Variants in HDAC4 observed in about 807,000 individuals in gnomAD.
HDAC4 encodes histone deacetylase A.
A neutral mutation model predicts 135.1 loss-of-function variants in HDAC4; 16 were observed. The ratio of observed to expected loss-of-function variants is 0.12; its 90% CI spans 0.08 to 0.18. The LOEUF is 0.18. Among genes scored for constraint, HDAC4 ranks in the 10% least tolerant of loss-of-function variants. The pLI is 1.00. For synonymous variants in HDAC4, 685 were observed against 653.4 expected (o/e 1.05, Z -0.74); for missense variants, 1,143 against 1,511.8 (o/e 0.76, Z 4.05).
chr2:239,191,069 C>T, intron 3 of HDAC4: 1 of 448,878 alleles, frequency 2.2e-6, no homozygotes, highest in Non-Finnish European at 4.6e-6. Flanking sequence ...ACTGAGAGTC[C>T]AAGTGAGAGC....
At chr2:239,213,575 C>G (rs182165761) in intron 3 of HDAC4, among the ~76,000 whole-genome samples, 9 of 152,334 alleles carry the variant, frequency 5.9e-5, no homozygotes, top group Admixed American at 5.9e-4. Flanking sequence ...ATAGTCACAC[C>G]AGCTTGTGTT....
At position 239,068,847 on chromosome 2, in the gene HDAC4, G is replaced by A. The variant is rs746452026; in HGVS notation, c.2751-240C>T. 25 of 505,168 alleles carry A rather than the reference G, an allele frequency of 4.9e-5. No homozygotes were observed. The highest frequency in any genetic ancestry group is 1.6e-4 in the Admixed American group (6 of 37,066). 31.3% of individuals were successfully genotyped at this position (505,168 alleles called of 1,614,324 possible). A position where few individuals can be genotyped will look rare whatever the true frequency, so the allele number is the denominator to read the frequency against. Reference sequence around the variant, plus strand: ...CACAGTGCAAGCCAGCAAGCCCCACGACACTTGCTTGGTGAGAGGGAGTCA... The same window carrying A: ...CACAGTGCAAGCCAGCAAGCCCCACAACACTTGCTTGGTGAGAGGGAGTCA... On this transcript the variant is annotated intron_variant, in intron 22 of 26. Coordinates refer to ENST00000543185, the MANE Select transcript of HDAC4 (RefSeq NM_001378414.1). The surrounding 1 kb of genome is among the most constrained non-coding windows in gnomAD (Gnocchi z 4.4).
intron 3 of HDAC4, among the ~76,000 whole-genome samples, chr2:239,203,965 C>G (rs1184383166): frequency 6.6e-6 from 1 of 152,204 alleles, no homozygotes; most frequent in Non-Finnish European, 1.5e-5. Context: ...TCCTCAGCGC[C>G]CTTCCCACAG....
chr2:239,214,781 G>A (rs1223173212), intron 3 of HDAC4, among the ~76,000 whole-genome samples: 2 of 152,222 alleles, frequency 1.3e-5, no homozygotes, highest in African/African-American at 4.8e-5. Context: ...ACATTTGACT[G>A]GGACCCTTCC....
At chr2:239,066,447 A>T (rs775422968) in intron 24 of HDAC4, among the ~76,000 whole-genome samples, 1 of 152,232 alleles carries the variant, frequency 6.6e-6, no homozygotes, top group Non-Finnish European at 1.5e-5. Flanking sequence ...CTGAACTGAA[A>T]GGGTGCAGTC....
intron 2 of HDAC4, among the ~76,000 whole-genome samples, chr2:239,239,333 CA>C (rs1240205287): frequency 6.6e-6 from 1 of 152,148 alleles, no homozygotes; most frequent in East Asian, 1.9e-4. Flanking sequence ...GTAAAAGATG[CA>C]AATAAACAGT....
At chr2:239,186,285 CTA>C (rs2044546234) in intron 4 of HDAC4, among the ~76,000 whole-genome samples, 1 of 152,170 alleles carries the variant, frequency 6.6e-6, no homozygotes, top group Non-Finnish European at 1.5e-5. Context: ...TTATAAAACT[CTA>C]TTCAAATTCA....
rs754186811 is a variant in HDAC4, at chr2:239,068,472, T to C, written c.2869+17A>G. The C allele has an allele frequency of 6.4e-7, 1 of 1,557,744 alleles. No homozygotes were observed. Among genetic ancestry groups the C allele is most frequent in the South Asian group, 1.1e-5 (1 of 90,006 alleles). The stretch of plus-strand genomic sequence containing the variant: ...ATGAGCAGAACCGGCTCCTCAGTCA[T>C]ATGCAGAACCACTTACATCTGGCGG... On this transcript the variant is annotated intron_variant, in intron 23 of 26. Coordinates refer to ENST00000543185, the MANE Select transcript of HDAC4 (RefSeq NM_001378414.1). This position sits in a 1 kb window ranked among gnomAD's most constrained non-coding sequence, Gnocchi z 4.4.
At chr2:239,317,988 T>C (rs1287149714) in intron 2 of HDAC4, among the ~76,000 whole-genome samples, 3 of 150,808 alleles carry the variant, frequency 2.0e-5, no homozygotes, top group Non-Finnish European at 4.4e-5. Context: ...AAGAACCTCC[T>C]GAGGTTAATG....
rs1263335834 is a variant in HDAC4 at position 239,050,973 on chromosome 2, A to C, written c.*2124T>G. 1 of 152,660 alleles carries C rather than the reference A, an allele frequency of 6.6e-6. No individual in the cohort carries two copies. The highest frequency in any genetic ancestry group is 1.9e-4 in the East Asian group (1 of 5,204). 9.5% of individuals were successfully genotyped at this position (152,660 alleles called of 1,614,324 possible). On this transcript the variant is annotated 3_prime_UTR_variant, in exon 27 of 27. Transcript: ENST00000543185. ...CCACGTGGCTGCAGTGGAAAAACCC[A>C]AGTGGGTAAAGAGCCCCACGTGTGC... is the stretch of plus-strand genomic sequence containing the variant.
intron 11 of HDAC4, among the ~76,000 whole-genome samples, chr2:239,130,275 A>G (rs562605517): frequency 1.3e-5 from 2 of 152,326 alleles, no homozygotes; most frequent in East Asian, 3.9e-4. Flanking sequence ...TCGCGTGCCA[A>G]TTATAGGACA....
At chr2:239,316,944 A>G (rs1450391316) in intron 2 of HDAC4, among the ~76,000 whole-genome samples, 1 of 152,152 alleles carries the variant, frequency 6.6e-6, no homozygotes, top group Non-Finnish European at 1.5e-5. Flanking sequence ...ACACAGGGGG[A>G]AAAATTCTAA....
rs954197245 is a variant in HDAC4 at position 239,343,866 on chromosome 2, G to A, written c.22+8812C>T. 2.8e-5 allele frequency among the ~76,000 whole-genome samples: 4 copies of A among 142,132 alleles called. No individual in the cohort carries two copies. The East Asian group carries it at 5.8e-4, about 21-fold the overall frequency. 93.2% of individuals were successfully genotyped at this position (142,132 alleles called of 152,430 possible). ...CCAGCCTCAGCCTACCTAAGCACTCGATAGCAGTAACACTGGTTTCCTCAT... is the reference window on the plus strand; with the variant it reads ...CCAGCCTCAGCCTACCTAAGCACTCAATAGCAGTAACACTGGTTTCCTCAT... On this transcript the variant is annotated intron_variant, in intron 2 of 26. Coordinates refer to ENST00000543185, the MANE Select transcript of HDAC4 (RefSeq NM_001378414.1).
At chr2:239,366,470 T>C (rs1228338247) in intron 1 of HDAC4, among the ~76,000 whole-genome samples, 1 of 152,242 alleles carries the variant, frequency 6.6e-6, no homozygotes, top group Non-Finnish European at 1.5e-5. Flanking sequence ...GTGTGTTTAT[T>C]GCCAGTCTGC....
At chr2:239,342,071 C>T (rs1692332173) in intron 2 of HDAC4, among the ~76,000 whole-genome samples, 1 of 152,142 alleles carries the variant, frequency 6.6e-6, no homozygotes, top group African/African-American at 2.4e-5. Context: ...TTCCCAGCCC[C>T]CAGAACTGTG....
At chr2:239,353,817 A>C (rs540671236) in intron 1 of HDAC4, among the ~76,000 whole-genome samples, 1 of 152,236 alleles carries the variant, frequency 6.6e-6, no homozygotes, top group Non-Finnish European at 1.5e-5. Context: ...CACTTTCAGC[A>C]CATTCCCACC....
intron 8 of HDAC4, 99 bp downstream of exon 8, chr2:239,144,484 G>C (rs757487796): frequency 4.2e-5 from 62 of 1,476,628 alleles, no homozygotes; most frequent in Non-Finnish European, 5.7e-5. Flanking sequence ...GCGTGAGGCA[G>C]ACACGTGGGT....
At chr2:239,100,964 G>A (rs2037562081) in intron 16 of HDAC4, among the ~76,000 whole-genome samples, 1 of 151,980 alleles carries the variant, frequency 6.6e-6, no homozygotes, top group Non-Finnish European at 1.5e-5. Flanking sequence ...TCGGGGCCCA[G>A]AGGCCTTTCC....
chr2:239,224,133 C>T (rs1435128339), intron 3 of HDAC4, among the ~76,000 whole-genome samples: 1 of 152,224 alleles, frequency 6.6e-6, no homozygotes, highest in Non-Finnish European at 1.5e-5. Flanking sequence ...ATCAGCAGTG[C>T]TTAAAGCCAA....
Sources: gnomAD v4.1 joint callset for allele counts (sites outside exome capture counted in the v4.1 genomes callset) on GRCh38, gnomAD v4.1.1 for gene constraint, Gnocchi (gnomAD v3.1) non-coding constraint, MANE v1.5 for transcripts, NCBI Gene and HGNC (gene_info 2026-07-23, HGNC 2026-07-21) for gene names.